PAX5: variants seen among roughly 807,000 people sequenced by gnomAD.
PAX5 encodes paired box 5.
PAX5 carries 9 observed loss-of-function variants against 43.7 expected under a neutral mutation model. The observed-to-expected ratio is 0.21, with a 90% CI of 0.12 to 0.36. PAX5 has a LOEUF of 0.36. Among genes scored for constraint, PAX5 ranks in the 10% least tolerant of loss-of-function variants. The pLI is 1.00. For missense variants in PAX5, 383 were observed against 532.7 expected, an observed-to-expected ratio of 0.72 and a Z score of 2.77; for synonymous variants, 228 against 214.3, an observed-to-expected ratio of 1.06 and a Z score of -0.56.
intron 7 of PAX5, among the ~76,000 whole-genome samples, chr9:36,894,472 G>A (rs1212468069): frequency 6.6e-6 from 1 of 152,146 alleles, no homozygotes; most frequent in Non-Finnish European, 1.5e-5. Flanking sequence ...TTTGTAAAGG[G>A]GGCCATGTGG....
intron 6 of PAX5, among the ~76,000 whole-genome samples, chr9:36,925,031 G>A (rs1204861755): frequency 6.6e-6 from 1 of 152,050 alleles, no homozygotes; most frequent in Non-Finnish European, 1.5e-5. Context: ...GGAGCTGCAG[G>A]CACCCTGAGT....
At chr9:36,966,473 A>C in intron 6 of PAX5, 76 bp downstream of exon 6, 2 of 1,512,480 alleles carry the variant, frequency 1.3e-6, no homozygotes, top group Non-Finnish European at 1.8e-6. Context: ...ACCCCGCCAG[A>C]TGCCTCTGCC....
chr9:36,851,503 T>A (rs1396552889), intron 8 of PAX5, among the ~76,000 whole-genome samples: 1 of 152,118 alleles, frequency 6.6e-6, no homozygotes, highest in African/African-American at 2.4e-5. Context: ...GGCTGAAGAA[T>A]GTCCCGAGAA....
At chr9:37,002,591 G>A (rs1431603078) in intron 5 of PAX5, 57 bp downstream of exon 5, 2 of 1,565,708 alleles carry the variant, frequency 1.3e-6, no homozygotes, top group Middle Eastern at 1.9e-4. Flanking sequence ...GCGACCGAGC[G>A]CCGGAAACAG....
At chr9:36,943,527 C>CTT (rs1832232118) in intron 6 of PAX5, among the ~76,000 whole-genome samples, 1 of 80,636 alleles carries the variant, frequency 1.2e-5, no homozygotes, top group Non-Finnish European at 2.6e-5. Context: ...ATTAGTTCAA[C>CTT]ATACACACAC....
At chr9:36,947,422 G>A (rs949745718) in intron 6 of PAX5, among the ~76,000 whole-genome samples, 11 of 151,756 alleles carry the variant, frequency 7.2e-5, no homozygotes, top group Non-Finnish European at 1.6e-4. Flanking sequence ...TTAAAGTCAG[G>A]GTCTCACTCT....
intron 8 of PAX5, among the ~76,000 whole-genome samples, chr9:36,878,801 A>G (rs1224730739): frequency 6.6e-6 from 1 of 152,236 alleles, no homozygotes; most frequent in Admixed American, 6.5e-5. Flanking sequence ...AGAGTCCCAA[A>G]GACCTGACCC....
intron 6 of PAX5, among the ~76,000 whole-genome samples, chr9:36,924,757 A>AGGGAGGGAGGG (rs1830476204): frequency 2.8e-5 from 3 of 106,902 alleles, no homozygotes; most frequent in African/African-American, 3.5e-5. Flanking sequence ...GGAAGGAAGG[A>AGGGAGGGAGGG]AGGAAGGAAG....
intron 1 of PAX5, 120 bp downstream of exon 1, chr9:37,033,866 T>G: frequency 1.3e-6 from 1 of 780,260 alleles, no homozygotes; most frequent in Non-Finnish European, 2.2e-6. Flanking sequence ...CACGCCGCAG[T>G]TAGACAGTCT....
chr9:36,980,903 T>A (rs1250779552), intron 5 of PAX5, among the ~76,000 whole-genome samples: 2 of 152,104 alleles, frequency 1.3e-5, no homozygotes, highest in African/African-American at 4.8e-5. Flanking sequence ...CCTCACAGCT[T>A]ACTAGGCTTT....
chr9:36,833,474 A>G lies in PAX5; in HGVS notation c.*7086T>C, dbSNP rs1447517159. ...ATCTAAAATAAAGGTGTTGCAGTCAACCATTTAACTTAAAAGGAAGCCACA... is the reference window on the plus strand; with the variant it reads ...ATCTAAAATAAAGGTGTTGCAGTCAGCCATTTAACTTAAAAGGAAGCCACA... On this transcript the variant is annotated 3_prime_UTR_variant, in exon 10 of 10. Coordinates refer to ENST00000358127, the MANE Select transcript of PAX5 (RefSeq NM_016734.3). The G allele has an allele frequency of 4.3e-6, 1 of 233,120 alleles. No homozygotes were observed. Among genetic ancestry groups the G allele is most frequent in the Non-Finnish European group, 8.5e-6 (1 of 118,056 alleles). 14.4% of individuals were successfully genotyped at this position (233,120 alleles called of 1,614,324 possible). A position where few individuals can be genotyped will look rare whatever the true frequency, so the allele number is the denominator to read the frequency against.
intron 4 of PAX5, among the ~76,000 whole-genome samples, chr9:37,003,754 T>C (rs1385991578): frequency 6.6e-6 from 1 of 152,196 alleles, no homozygotes; most frequent in African/African-American, 2.4e-5. Flanking sequence ...AGAGGATCAC[T>C]TGAGCCCAGG....
At chr9:36,933,118 T>C (rs1426597047) in intron 6 of PAX5, among the ~76,000 whole-genome samples, 1 of 141,472 alleles carries the variant, frequency 7.1e-6, no homozygotes. Flanking sequence ...CATTCCAGCC[T>C]GGGTGACAGA....
At chr9:36,891,426 G>A (rs1827369368) in intron 7 of PAX5, among the ~76,000 whole-genome samples, 1 of 152,362 alleles carries the variant, frequency 6.6e-6, no homozygotes, top group Middle Eastern at 3.4e-3. Context: ...TAGTGCATAC[G>A]CCGCCAGGCT....
intron 7 of PAX5, among the ~76,000 whole-genome samples, chr9:36,890,058 C>T (rs1202761808): frequency 6.6e-6 from 1 of 152,010 alleles, no homozygotes; most frequent in Non-Finnish European, 1.5e-5. Flanking sequence ...TGGGGGTTGT[C>T]ACTCCCAGAC....
intron 6 of PAX5, among the ~76,000 whole-genome samples, chr9:36,932,883 C>T (rs527538368): frequency 1.3e-4 from 19 of 151,918 alleles, no homozygotes; most frequent in East Asian, 1.2e-3. Context: ...TGGCTGGGCA[C>T]GGTAGCTCAC....
chr9:36,943,322 A>G (rs538916854), intron 6 of PAX5, among the ~76,000 whole-genome samples: 1 of 152,262 alleles, frequency 6.6e-6, no homozygotes, highest in East Asian at 1.9e-4. Context: ...CTAGCATCCC[A>G]TAGGTGGTGG....
At chr9:36,856,872 A>T (rs1265817867) in intron 8 of PAX5, among the ~76,000 whole-genome samples, 4 of 152,122 alleles carry the variant, frequency 2.6e-5, no homozygotes, top group Non-Finnish European at 4.4e-5. Flanking sequence ...TGTCCTTAGC[A>T]CCTTTTCTCT....
chr9:36,844,884 G>A (rs1822416259), intron 9 of PAX5, among the ~76,000 whole-genome samples: 1 of 152,184 alleles, frequency 6.6e-6, no homozygotes, highest in Admixed American at 6.5e-5. Flanking sequence ...CCAAGCCTTT[G>A]CCACACGTGC....
Sources: allele counts gnomAD v4.1 joint callset (sites outside exome capture counted in the v4.1 genomes callset), GRCh38; gene constraint gnomAD v4.1.1; transcripts MANE v1.5; gene names NCBI Gene and HGNC (gene_info 2026-07-23, HGNC 2026-07-21).